HMGCLL1: variants seen among roughly 807,000 people sequenced by gnomAD.
The protein encoded by HMGCLL1 is 3-hydroxy-3-methylglutaryl-CoA lyase like 1.
A neutral mutation model predicts 39.1 loss-of-function variants in HMGCLL1; 36 were observed. The observed-to-expected ratio is 0.92, with a 90% CI of 0.71 to 1.22. HMGCLL1 has a LOEUF of 1.22. HMGCLL1 is among the 50% of genes most tolerant of loss of function. The pLI, the probability that HMGCLL1 is intolerant of heterozygous loss-of-function variation, is 0.00. For synonymous variants in HMGCLL1, 149 were observed against 144.0 expected (o/e 1.03, Z -0.25); for missense variants, 451 against 416.5 (o/e 1.08, Z -0.72).
the HMGCLL1 span, among the ~76,000 whole-genome samples, chr6:55,631,077 C>T: frequency 3.9e-5 from 6 of 152,058 alleles, no homozygotes; most frequent in South Asian, 2.1e-4. Flanking sequence ...ATAATCTTCT[C>T]GTACTTGAAT....
chr6:55,619,302 A>G, the HMGCLL1 span, among the ~76,000 whole-genome samples: 1 of 152,156 alleles, frequency 6.6e-6, no homozygotes. Flanking sequence ...ATCAGGCTGT[A>G]AAAGCATTAA....
chr6:55,602,781 C>T, the HMGCLL1 span, among the ~76,000 whole-genome samples: 1 of 151,972 alleles, frequency 6.6e-6, no homozygotes, highest in Non-Finnish European at 1.5e-5. Context: ...GGAAATGCAT[C>T]AGCTAATGTC....
intron 3 of HMGCLL1, among the ~76,000 whole-genome samples, chr6:55,534,519 T>TA (rs1293904773): frequency 2.6e-5 from 4 of 152,188 alleles, no homozygotes; most frequent in Non-Finnish European, 5.9e-5. Flanking sequence ...TATGTTAGAT[T>TA]AAAGCTGCTA....
At chr6:55,471,978 A>G (rs1034472493) in intron 7 of HMGCLL1, among the ~76,000 whole-genome samples, 1 of 151,768 alleles carries the variant, frequency 6.6e-6, no homozygotes, top group Non-Finnish European at 1.5e-5. Context: ...TTGAAATTCA[A>G]CCATGTTGTA....
At chr6:55,528,924 T>G (rs1199143808) in intron 3 of HMGCLL1, among the ~76,000 whole-genome samples, 1 of 152,094 alleles carries the variant, frequency 6.6e-6, no homozygotes, top group Non-Finnish European at 1.5e-5. Flanking sequence ...CATGATCCAC[T>G]AATGTCTACA....
At chr6:55,468,218 C>A (rs1395385720) in intron 7 of HMGCLL1, among the ~76,000 whole-genome samples, 1 of 151,912 alleles carries the variant, frequency 6.6e-6, no homozygotes, top group Non-Finnish European at 1.5e-5. Flanking sequence ...TATTGTAAGG[C>A]AACAATAAAT....
intron 6 of HMGCLL1, among the ~76,000 whole-genome samples, chr6:55,496,064 C>CAT (rs1766558801): frequency 6.6e-6 from 1 of 151,958 alleles, no homozygotes; most frequent in African/African-American, 2.4e-5. Context: ...TATTTCACTA[C>CAT]ATATATATAC....
At chr6:55,577,132 G>C (rs371608600) in intron 1 of HMGCLL1, 23 of 1,608,624 alleles carry the variant, frequency 1.4e-5, no homozygotes, top group Admixed American at 8.4e-5. Flanking sequence ...CAGAGACATC[G>C]GGCTGAAAGC....
the HMGCLL1 span, among the ~76,000 whole-genome samples, chr6:55,625,856 GGT>G: frequency 6.6e-6 from 1 of 152,114 alleles, no homozygotes; most frequent in Admixed American, 6.6e-5. Flanking sequence ...CTCACCAGCG[GGT>G]GACATTAGCG....
At chr6:55,625,387 C>T in the HMGCLL1 span, among the ~76,000 whole-genome samples, 1 of 152,086 alleles carries the variant, frequency 6.6e-6, no homozygotes, top group African/African-American at 2.4e-5. Flanking sequence ...GAGGAAGTGG[C>T]TCAAATGCCC....
At chr6:55,656,810 G>A in the HMGCLL1 span, among the ~76,000 whole-genome samples, 1 of 151,994 alleles carries the variant, frequency 6.6e-6, no homozygotes, top group African/African-American at 2.4e-5. Flanking sequence ...TGAGGTTTCT[G>A]TGTTGAGACA....
At chr6:55,501,139 T>C (rs1231512591) in intron 5 of HMGCLL1, among the ~76,000 whole-genome samples, 1 of 151,854 alleles carries the variant, frequency 6.6e-6, no homozygotes, top group East Asian at 1.9e-4. Flanking sequence ...TCATATGCTC[T>C]TCCCTATCTT....
upstream of HMGCLL1, among the ~76,000 whole-genome samples, chr6:55,579,630 T>A (rs1301415601): frequency 6.6e-6 from 1 of 152,096 alleles, no homozygotes; most frequent in Non-Finnish European, 1.5e-5. Flanking sequence ...TCCAACAGTC[T>A]AATGAAAAGG....
intron 1 of HMGCLL1, among the ~76,000 whole-genome samples, chr6:55,555,830 G>A (rs114982743): frequency 0.013 from 2,008 of 152,264 alleles, 32 homozygotes; most frequent in Non-Finnish European, 0.023. Context: ...AGGAAATTTC[G>A]ACAAAAGGAA....
At chr6:55,641,006 G>T in the HMGCLL1 span, among the ~76,000 whole-genome samples, 1 of 151,600 alleles carries the variant, frequency 6.6e-6, no homozygotes, top group Non-Finnish European at 1.5e-5. Context: ...ATCAAAAAAT[G>T]TCTAAATCAA....
intron 3 of HMGCLL1, among the ~76,000 whole-genome samples, chr6:55,521,872 T>A (rs9475337): frequency 2.8e-4 from 42 of 152,036 alleles, no homozygotes; most frequent in African/African-American, 1.0e-3. Context: ...GAGAAAGGAA[T>A]GTTGAAAGCC....
chr6:55,495,473 A>G lies in HMGCLL1; in HGVS notation c.741T>C (p.Val247=). ...MKEIPPGALA[V]HCHDTYGQAL... is the part of the protein sequence containing the mutation. ...CTTGTCCGTATGTGTCATGACAGTG[A>G]ACAGCAAGAGCACCTGGTGGGATTT... The change falls in exon 7 of 9, where the codon GTT becomes GTC. Residue 247 remains valine, a synonymous_variant. Coordinates refer to ENST00000274901, the MANE Select transcript of HMGCLL1 (RefSeq NM_001042406.2). 1 of 1,614,092 alleles carries G rather than the reference A, an allele frequency of 6.2e-7. No homozygotes were observed. The highest frequency in any genetic ancestry group is 8.5e-7 in the Non-Finnish European group (1 of 1,179,974).
intron 1 of HMGCLL1, among the ~76,000 whole-genome samples, chr6:55,558,032 G>A (rs990364559): frequency 1.3e-5 from 2 of 152,120 alleles, no homozygotes; most frequent in Non-Finnish European, 2.9e-5. Context: ...CATGCTTCAG[G>A]CTCCATTTAA....
chr6:55,533,643 T>C (rs574049902), intron 3 of HMGCLL1, among the ~76,000 whole-genome samples: 2 of 151,808 alleles, frequency 1.3e-5, no homozygotes, highest in East Asian at 1.9e-4. Flanking sequence ...TCCCAGCACT[T>C]TGGGAGGCCG....
Sources: allele counts gnomAD v4.1 joint callset (sites outside exome capture counted in the v4.1 genomes callset), GRCh38; gene constraint gnomAD v4.1.1; transcripts MANE v1.5; gene names NCBI Gene and HGNC (gene_info 2026-07-23, HGNC 2026-07-21).